The following FOXP1 variants were observed in gnomAD, a reference collection of about 807,000 sequenced individuals.
The protein encoded by FOXP1 is forkhead box protein P1.
FOXP1 carries 15 observed loss-of-function variants against 98.2 expected under a neutral mutation model. The ratio of observed to expected loss-of-function variants is 0.15; its 90% CI spans 0.10 to 0.24. The LOEUF is 0.24. FOXP1 is among the 10% of genes least tolerant of loss of function. FOXP1 has a pLI of 1.00. For missense variants in FOXP1, 633 were observed against 848.5 expected, an observed-to-expected ratio of 0.75 and a Z score of 3.15; for synonymous variants, 371 against 314.5, an observed-to-expected ratio of 1.18 and a Z score of -1.90.
chr3:71,198,498 GC>G, intron 5 of FOXP1, 106 bp from the exon 6 acceptor site: 1 of 958,408 alleles, frequency 1.0e-6, no homozygotes, highest in Admixed American at 1.9e-5. Flanking sequence ...TTTAAATGTT[GC>G]CAAAATCTGT....
intron 5 of FOXP1, among the ~76,000 whole-genome samples, chr3:71,219,356 G>T (rs562733979): frequency 6.6e-6 from 1 of 152,302 alleles, no homozygotes; most frequent in East Asian, 1.9e-4. Context: ...GCCACATGTG[G>T]CTACTGAGCA....
intron 2 of FOXP1, among the ~76,000 whole-genome samples, chr3:71,526,122 A>G (rs1353190220): frequency 1.6e-5 from 2 of 124,268 alleles, no homozygotes; most frequent in Non-Finnish European, 3.3e-5. Flanking sequence ...CTCTGTCTCT[A>G]AATATATAAA....
At chr3:71,433,772 C>T (rs2084951534) in intron 3 of FOXP1, among the ~76,000 whole-genome samples, 1 of 152,172 alleles carries the variant, frequency 6.6e-6, no homozygotes, top group Non-Finnish European at 1.5e-5. Flanking sequence ...CGTGAGTTTT[C>T]TCTTCCCTGA....
At chr3:70,973,156 T>TGAAG in intron 17 of FOXP1, among the ~76,000 whole-genome samples, 1 of 152,314 alleles carries the variant, frequency 6.6e-6, no homozygotes, top group Non-Finnish European at 1.5e-5. Context: ...AGAGGTCCTA[T>TGAAG]GAAGAATTCT....
At chr3:71,061,882 A>AT (rs2051546349) in intron 7 of FOXP1, among the ~76,000 whole-genome samples, 1 of 152,204 alleles carries the variant, frequency 6.6e-6, no homozygotes, top group Non-Finnish European at 1.5e-5. Flanking sequence ...TAGTCACAAC[A>AT]TTCTCTCCTG....
chr3:71,063,989 C>T (rs767623474), intron 7 of FOXP1, among the ~76,000 whole-genome samples: 20 of 152,182 alleles, frequency 1.3e-4, no homozygotes, highest in Non-Finnish European at 2.5e-4. Flanking sequence ...TCATGCAGTT[C>T]TGACAGTTGA....
Position 71,557,382 on chromosome 3 carries a change from A to C in FOXP1, c.-298+24167T>G, listed in dbSNP as rs1299436194. 2.7e-5 allele frequency among the ~76,000 whole-genome samples: 4 copies of C among 150,738 alleles called. No homozygotes were observed. The East Asian group carries it at 7.7e-4, about 29-fold the overall frequency. ...AAAAAAAATCCTGCTTATTTAAAAA[A>C]AGTAAAAAAAAAAAAAAAATCCATT... On this transcript the variant is annotated intron_variant, in intron 2 of 20. Coordinates refer to ENST00000649528, the MANE Select transcript of FOXP1 (RefSeq NM_001349338.3).
intron 5 of FOXP1, among the ~76,000 whole-genome samples, chr3:71,272,981 T>C (rs955840712): frequency 6.6e-6 from 1 of 152,154 alleles, no homozygotes; most frequent in Non-Finnish European, 1.5e-5. Flanking sequence ...CCTCCCCCAG[T>C]AGAGCCTCCT....
At chr3:71,198,416 G>T (rs1404838509) in intron 5 of FOXP1, 24 bp from the exon 6 acceptor site, 2 of 865,924 alleles carry the variant, frequency 2.3e-6, no homozygotes, top group African/African-American at 1.6e-5. Context: ...TTCCAAGATG[G>T]GGGGAGGGAG....
intron 2 of FOXP1, among the ~76,000 whole-genome samples, chr3:71,578,195 G>T (rs1023703084): frequency 2.0e-5 from 3 of 152,210 alleles, no homozygotes; most frequent in Non-Finnish European, 2.9e-5. Context: ...CAATTAAATT[G>T]TAGTAATTTA....
intron 5 of FOXP1, among the ~76,000 whole-genome samples, chr3:71,247,487 A>G (rs994699787): frequency 1.3e-5 from 2 of 152,236 alleles, no homozygotes; most frequent in African/African-American, 4.8e-5. Flanking sequence ...AGACCGGGGT[A>G]TCATGACTGC....
At chr3:71,300,358 T>A (rs1411885017) in intron 4 of FOXP1, among the ~76,000 whole-genome samples, 1 of 152,202 alleles carries the variant, frequency 6.6e-6, no homozygotes, top group African/African-American at 2.4e-5. Flanking sequence ...TCAAAATGAA[T>A]GAAAGCAGCA....
intron 3 of FOXP1, among the ~76,000 whole-genome samples, chr3:71,483,709 A>AAT (rs1231149700): frequency 6.6e-6 from 1 of 152,188 alleles, no homozygotes; most frequent in Admixed American, 6.5e-5. Flanking sequence ...GCAAAGCCTA[A>AAT]AATGTTTACT....
intron 4 of FOXP1, among the ~76,000 whole-genome samples, chr3:71,318,584 C>G (rs2107656648): frequency 6.6e-6 from 1 of 152,320 alleles, no homozygotes; most frequent in East Asian, 1.9e-4. Flanking sequence ...CCGTACCACT[C>G]TAACTGCAAA....
chr3:70,963,428 C>T (rs1049844294), intron 20 of FOXP1, among the ~76,000 whole-genome samples: 2 of 152,210 alleles, frequency 1.3e-5, no homozygotes, highest in Non-Finnish European at 2.9e-5. Context: ...ACGAAAGATA[C>T]ATTTGAGATG....
At chr3:71,545,254 AC>A (rs1339511445) in intron 2 of FOXP1, among the ~76,000 whole-genome samples, 1 of 152,196 alleles carries the variant, frequency 6.6e-6, no homozygotes, top group African/African-American at 2.4e-5. Flanking sequence ...TGAGTAAGTG[AC>A]CTTGGGTAAG....
intron 6 of FOXP1, among the ~76,000 whole-genome samples, chr3:71,134,542 CAG>C (rs1279430648): frequency 6.6e-6 from 1 of 151,994 alleles, no homozygotes; most frequent in African/African-American, 2.4e-5. Context: ...TACTGCCAAA[CAG>C]AAAATGAAAA....
intron 3 of FOXP1, among the ~76,000 whole-genome samples, chr3:71,444,302 A>G (rs2086213017): frequency 6.6e-6 from 1 of 150,610 alleles, no homozygotes; most frequent in Admixed American, 6.6e-5. Flanking sequence ...CACTCAGCAA[A>G]CCCTCCAAGT....
intron 17 of FOXP1, among the ~76,000 whole-genome samples, chr3:70,974,111 A>C (rs1293628858): frequency 6.6e-6 from 1 of 152,088 alleles, no homozygotes; most frequent in African/African-American, 2.4e-5. Context: ...TTTTTGAGTA[A>C]TGTCAGCATA....
Sources: gnomAD v4.1 joint callset for allele counts (sites outside exome capture counted in the v4.1 genomes callset) on GRCh38, gnomAD v4.1.1 for gene constraint, MANE v1.5 for transcripts, NCBI Gene and HGNC (gene_info 2026-07-23, HGNC 2026-07-21) for gene names.